TM2D3: variants seen among roughly 807,000 people sequenced by gnomAD.
The protein encoded by TM2D3 is TM2 domain-containing protein 3.
Under a neutral mutation model 27.3 loss-of-function variants are expected in TM2D3, and 33 were observed. The observed-to-expected ratio is 1.21, with a 90% CI of 0.92 to 1.61. TM2D3 has a LOEUF of 1.61. Among genes scored for constraint, TM2D3 ranks in the 40% most tolerant of loss-of-function variants. The probability of loss-of-function intolerance (pLI) is 0.00; values close to 1 mark genes in which losing one functional copy is unlikely to be tolerated. For synonymous variants in TM2D3, 138 were observed against 122.2 expected (o/e 1.13, Z -0.85); for missense variants, 364 against 320.8 (o/e 1.13, Z -1.03).
downstream of TM2D3, among the ~76,000 whole-genome samples, chr15:101,641,363 G>A (rs1019686538): frequency 3.3e-5 from 5 of 152,192 alleles, no homozygotes; most frequent in Admixed American, 1.3e-4. Flanking sequence ...CTAGCGACGA[G>A]AGATGGAACT....
chr15:101,651,677 A>C lies in TM2D3; in HGVS notation c.169+19T>G. On this transcript the variant is annotated intron_variant, in intron 2 of 5. Coordinates refer to ENST00000333202, the MANE Select transcript of TM2D3 (RefSeq NM_078474.3). ...AGAGATAACTACATGTATTTACTAGAATAGAAAACGTCTAGTACCTGCTGC... is the reference window on the plus strand; with the variant it reads ...AGAGATAACTACATGTATTTACTAGCATAGAAAACGTCTAGTACCTGCTGC... 1.2e-6 allele frequency: 2 copies of C among 1,612,580 alleles called. No individual in the cohort carries two copies. Among genetic ancestry groups the C allele is most frequent in the Non-Finnish European group, 1.7e-6 (2 of 1,178,770 alleles).
chr15:101,643,966 C>T (rs1400874350), intron 5 of TM2D3, among the ~76,000 whole-genome samples: 1 of 152,036 alleles, frequency 6.6e-6, no homozygotes, highest in African/African-American at 2.4e-5. Flanking sequence ...CTTCCCATTG[C>T]AGCCTACCAC....
chr15:101,642,673 G>A, intron 5 of TM2D3, 29 bp from the exon 6 acceptor site: 2 of 1,560,762 alleles, frequency 1.3e-6, no homozygotes, highest in South Asian at 1.2e-5. Context: ...AGGATTCCAT[G>A]AGACCACCTC....
intron 5 of TM2D3, among the ~76,000 whole-genome samples, chr15:101,643,623 G>GAAAA (rs1567311253): frequency 3.2e-5 from 2 of 62,694 alleles, no homozygotes; most frequent in Non-Finnish European, 6.3e-5. Context: ...AAAAAAAAAA[G>GAAAA]CAAAAAAAAA....
downstream of TM2D3, among the ~76,000 whole-genome samples, chr15:101,640,124 C>A (rs2141359082): frequency 6.6e-6 from 1 of 152,206 alleles, no homozygotes; most frequent in East Asian, 1.9e-4. Context: ...TAATCATATC[C>A]CTGGGTCAGA....
At chr15:101,643,918 C>T (rs1202347376) in intron 5 of TM2D3, among the ~76,000 whole-genome samples, 3 of 151,974 alleles carry the variant, frequency 2.0e-5, no homozygotes, top group Non-Finnish European at 2.9e-5. Context: ...GGTGCAATGC[C>T]AGCTCACTGC....
At chr15:101,637,477 A>T (rs1353943063), downstream of TM2D3, among the ~76,000 whole-genome samples, 5 of 152,226 alleles carry the variant, frequency 3.3e-5, no homozygotes, top group African/African-American at 1.2e-4. Flanking sequence ...ATTTGGGGTT[A>T]AAATATTTTG....
chr15:101,637,836 CATTTT>C (rs1301229309), downstream of TM2D3, among the ~76,000 whole-genome samples: 1 of 152,168 alleles, frequency 6.6e-6, no homozygotes, highest in African/African-American at 2.4e-5. Flanking sequence ...TGAGTCATTT[CATTTT>C]GTTCTCATGT....
chr15:101,642,852 A>G (rs1299265496), intron 5 of TM2D3, among the ~76,000 whole-genome samples: 2 of 152,188 alleles, frequency 1.3e-5, no homozygotes, highest in African/African-American at 4.8e-5. Flanking sequence ...GTAAACATAC[A>G]ATTTTTAGCT....
At chr15:101,645,505 T>G (rs745957849) in intron 4 of TM2D3, 1 of 265,586 alleles carries the variant, frequency 3.8e-6, no homozygotes, top group Non-Finnish European at 7.2e-6. Flanking sequence ...AAACACTTCA[T>G]GTATGAGTGT....
downstream of TM2D3, among the ~76,000 whole-genome samples, chr15:101,641,602 G>T (rs1232149079): frequency 1.3e-5 from 2 of 152,188 alleles, no homozygotes; most frequent in Non-Finnish European, 2.9e-5. Context: ...GTTTTTAAAT[G>T]TTTCAAAAGC....
In TM2D3 at chr15:101,651,681, G is replaced by A; in HGVS notation, c.169+15C>T. 1 of 1,612,110 alleles carries A rather than the reference G, an allele frequency of 6.2e-7. No homozygotes were observed. Among genetic ancestry groups the A allele is most frequent in the East Asian group, 2.2e-5 (1 of 44,874 alleles). On this transcript the variant is annotated intron_variant, in intron 2 of 5. Transcript: ENST00000333202. ...ATAACTACATGTATTTACTAGAATA[G>A]AAAACGTCTAGTACCTGCTGCCCTG...
intron 4 of TM2D3, 119 bp from the exon 5 acceptor site, chr15:101,645,281 C>T: frequency 1.2e-6 from 1 of 800,394 alleles, no homozygotes; most frequent in South Asian, 1.7e-5. Flanking sequence ...TACGGTAATA[C>T]ATGTTGAAGT....
Position 101,646,869 on chromosome 15 carries a change from T to C in TM2D3, c.358A>G (p.Ile120Val), listed in dbSNP as rs1378280361. The C allele has an allele frequency of 6.2e-7, 1 of 1,614,214 alleles. No homozygotes were observed. ...DQDFKSQKNF[I>V]INMTCRFCWQ... ...CAAAATCTGCAAGTCATGTTAATGATGAAGTTCTTTTGGGATTTGAAGTCT... is the reference window on the plus strand; with the variant it reads ...CAAAATCTGCAAGTCATGTTAATGACGAAGTTCTTTTGGGATTTGAAGTCT... The change falls in exon 4 of 6, where the codon ATC becomes GTC. Residue 120 changes from isoleucine (I) to valine (V), a missense_variant. By Grantham distance (29) the Ile-to-Val change is conservative (BLOSUM62 3). Coordinates refer to ENST00000333202, the MANE Select transcript of TM2D3 (RefSeq NM_078474.3).
At chr15:101,640,917 C>G (rs1896652643), downstream of TM2D3, among the ~76,000 whole-genome samples, 1 of 152,190 alleles carries the variant, frequency 6.6e-6, no homozygotes, top group African/African-American at 2.4e-5. Flanking sequence ...AATTCAGGCC[C>G]CAGAGCCACA....
chr15:101,641,589 TAA>T (rs574472675), downstream of TM2D3, among the ~76,000 whole-genome samples: 10 of 152,372 alleles, frequency 6.6e-5, no homozygotes, highest in South Asian at 8.3e-4. Flanking sequence ...GAAAAAATGC[TAA>T]GTTTTTAAAT....
intron 2 of TM2D3, 172 bp from the exon 3 acceptor site, chr15:101,650,333 G>T: frequency 1.7e-6 from 1 of 571,856 alleles, no homozygotes; most frequent in Non-Finnish European, 2.9e-6. Flanking sequence ...TTCTGCCCAC[G>T]GCCAGCTGTG....
Position 101,650,275 on chromosome 15 carries a change from G to C in TM2D3, c.170-114C>G, listed in dbSNP as rs565496868. On this transcript the variant is annotated intron_variant, in intron 2 of 5. Coordinates refer to ENST00000333202, the MANE Select transcript of TM2D3 (RefSeq NM_078474.3). ...TAGCAAGTAGACACTGCACTGGAAG[G>C]GAAGAAGCATGGGACTGGAGTCAGA... 6 of 1,094,372 alleles carry C rather than the reference G, an allele frequency of 5.5e-6. No individual in the cohort carries two copies. The Admixed American group carries it at 1.3e-4, about 23-fold the overall frequency. 67.8% of individuals were successfully genotyped at this position (1,094,372 alleles called of 1,614,324 possible).
downstream of TM2D3, among the ~76,000 whole-genome samples, chr15:101,638,986 C>T (rs1457880852): frequency 6.6e-6 from 1 of 152,196 alleles, no homozygotes; most frequent in African/African-American, 2.4e-5. Flanking sequence ...CAGAGCTGAG[C>T]TACAGCAGAG....
Sources: gnomAD v4.1 joint callset for allele counts (sites outside exome capture counted in the v4.1 genomes callset) on GRCh38, gnomAD v4.1.1 for gene constraint, MANE v1.5 for transcripts, NCBI Gene and HGNC (gene_info 2026-07-23, HGNC 2026-07-21) for gene names.